Variants in ARHGAP42 observed in about 807,000 individuals in gnomAD.
The protein encoded by ARHGAP42 is Rho GTPase activating protein 42.
ARHGAP42 carries 63 observed loss-of-function variants against 125.0 expected under a neutral mutation model. The observed-to-expected ratio is 0.50, with a 90% CI of 0.41 to 0.62. The LOEUF is 0.62. Ranked by LOEUF, ARHGAP42 falls within the 20% of genes least tolerant of loss-of-function variation. The probability of loss-of-function intolerance (pLI) is 0.00; values close to 1 mark genes in which losing one functional copy is unlikely to be tolerated. For synonymous variants in ARHGAP42, 339 were observed against 351.0 expected, an observed-to-expected ratio of 0.97 and a Z score of 0.38; for missense variants, 766 against 1,024.2, an observed-to-expected ratio of 0.75 and a Z score of 3.44.
chr11:100,744,112 A>G (rs1052306995), intron 1 of ARHGAP42, among the ~76,000 whole-genome samples: 1 of 152,168 alleles, frequency 6.6e-6, no homozygotes, highest in African/African-American at 2.4e-5. Context: ...CTGGGACTAC[A>G]GGCGCCTGCC....
intron 1 of ARHGAP42, among the ~76,000 whole-genome samples, chr11:100,765,694 A>G (rs761287859): frequency 7.2e-5 from 11 of 152,160 alleles, no homozygotes; most frequent in Non-Finnish European, 1.6e-4. Context: ...GATACATTCT[A>G]TTTTAACCTT....
intron 8 of ARHGAP42, among the ~76,000 whole-genome samples, chr11:100,936,735 A>C (rs1944433): frequency 6.6e-6 from 1 of 152,086 alleles, no homozygotes; most frequent in Admixed American, 6.5e-5. Context: ...GTTTTCAGGC[A>C]TATAATTGGT....
At chr11:100,892,471 A>T (rs947266074) in intron 4 of ARHGAP42, among the ~76,000 whole-genome samples, 1 of 151,656 alleles carries the variant, frequency 6.6e-6, no homozygotes, top group African/African-American at 2.4e-5. Context: ...AAAAAGTGAC[A>T]CTCTGGTCTT....
chr11:100,761,355 G>A (rs1283851509), intron 1 of ARHGAP42, among the ~76,000 whole-genome samples: 1 of 152,176 alleles, frequency 6.6e-6, no homozygotes, highest in Non-Finnish European at 1.5e-5. Flanking sequence ...AATTGTTGTT[G>A]AGGCAGAAGG....
chr11:100,959,794 G>A, intron 12 of ARHGAP42, 89 bp from the exon 13 acceptor site: 1 of 1,216,616 alleles, frequency 8.2e-7, no homozygotes, highest in Non-Finnish European at 1.2e-6. Flanking sequence ...CTCTACTGTT[G>A]AGTCATAAAG....
intron 2 of ARHGAP42, among the ~76,000 whole-genome samples, chr11:100,787,018 C>T (rs1387945704): frequency 6.6e-6 from 1 of 151,886 alleles, no homozygotes; most frequent in African/African-American, 2.4e-5. Flanking sequence ...TGGCTCACAC[C>T]CGTAATCCCA....
chr11:100,986,864 A>T (rs1858691335), intron 22 of ARHGAP42, among the ~76,000 whole-genome samples: 1 of 151,666 alleles, frequency 6.6e-6, no homozygotes, highest in Non-Finnish European at 1.5e-5. Flanking sequence ...AAAAAAGAGT[A>T]TCTGGTATGC....
chr11:100,807,725 G>A lies in ARHGAP42; in HGVS notation c.312+12559G>A, dbSNP rs1295401004. Among the ~76,000 whole-genome samples, 5 of 152,190 alleles carry A rather than the reference G, an allele frequency of 3.3e-5. No homozygotes were observed. The South Asian group carries it at 8.3e-4, about 25-fold the overall frequency. On this transcript the variant is annotated intron_variant, in intron 3 of 23. Transcript: ENST00000298815. ...ACCTGCACTTCTGATCTCTTTCCTC[G>A]CATCTCTAGTTCTTTCATTTTCCTG...
At chr11:100,860,922 G>A (rs950522261) in intron 4 of ARHGAP42, among the ~76,000 whole-genome samples, 3 of 152,140 alleles carry the variant, frequency 2.0e-5, no homozygotes, top group Non-Finnish European at 2.9e-5. Context: ...TGGCTCACAC[G>A]TGACATGCAT....
intron 6 of ARHGAP42, among the ~76,000 whole-genome samples, chr11:100,929,659 CT>C (rs1174438280): frequency 6.6e-6 from 1 of 152,016 alleles, no homozygotes; most frequent in Non-Finnish European, 1.5e-5. Flanking sequence ...TCTCTGATGA[CT>C]AATAAGAATC....
intron 6 of ARHGAP42, among the ~76,000 whole-genome samples, chr11:100,922,417 G>A (rs1203190940): frequency 6.6e-6 from 1 of 151,604 alleles, no homozygotes; most frequent in Admixed American, 6.6e-5. Context: ...TTCCAATATT[G>A]CCTAAATAGG....
At chr11:100,842,212 C>T (rs1428894466) in intron 3 of ARHGAP42, among the ~76,000 whole-genome samples, 1 of 152,148 alleles carries the variant, frequency 6.6e-6, no homozygotes, top group Admixed American at 6.5e-5. Flanking sequence ...ACTGAGCATA[C>T]ACTTAAATAT....
intron 17 of ARHGAP42, among the ~76,000 whole-genome samples, chr11:100,970,298 A>G (rs1858205448): frequency 6.6e-6 from 1 of 152,094 alleles, no homozygotes; most frequent in Non-Finnish European, 1.5e-5. Flanking sequence ...CTAATTCAGT[A>G]TCTTTAGTGA....
intron 4 of ARHGAP42, among the ~76,000 whole-genome samples, chr11:100,888,631 AAAT>A (rs781569912): frequency 5.9e-5 from 9 of 152,214 alleles, no homozygotes; most frequent in Non-Finnish European, 1.2e-4. Flanking sequence ...AAAAGGCTTA[AAAT>A]AATAACTTGT....
chr11:100,695,166 A>G (rs1861254856), intron 1 of ARHGAP42, among the ~76,000 whole-genome samples: 1 of 152,252 alleles, frequency 6.6e-6, no homozygotes, highest in Admixed American at 6.5e-5. Flanking sequence ...AACTTACATA[A>G]CATTTGTTCA....
At position 100,933,139 on chromosome 11, in the gene ARHGAP42, T is replaced by A; in HGVS notation, c.598-17T>A. The A allele has an allele frequency of 6.7e-7, 1 of 1,499,050 alleles. No homozygotes were observed. Among genetic ancestry groups the A allele is most frequent in the Non-Finnish European group, 9.0e-7 (1 of 1,105,730 alleles). 92.9% of individuals were successfully genotyped at this position (1,499,050 alleles called of 1,614,324 possible). A position where few individuals can be genotyped will look rare whatever the true frequency, so the allele number is the denominator to read the frequency against. On this transcript the variant is annotated splice_polypyrimidine_tract_variant and intron_variant, in intron 6 of 23. Transcript: ENST00000298815. ...AAAACACATTTTCATGGTTTCTTTA[T>A]CTCTTTATCTTTGCAGCTTTTGTCA... is the stretch of plus-strand genomic sequence containing the variant.
intron 1 of ARHGAP42, among the ~76,000 whole-genome samples, chr11:100,723,039 T>C (rs766203405): frequency 7.2e-5 from 11 of 152,214 alleles, no homozygotes; most frequent in Non-Finnish European, 1.3e-4. Flanking sequence ...TGTTCCAGCA[T>C]CATTTGTTTA....
intron 3 of ARHGAP42, among the ~76,000 whole-genome samples, chr11:100,796,992 C>G (rs1863732684): frequency 6.6e-6 from 1 of 152,168 alleles, no homozygotes; most frequent in African/African-American, 2.4e-5. Context: ...TGGTCTTGAA[C>G]TCCTGACCTC....
intron 16 of ARHGAP42, among the ~76,000 whole-genome samples, chr11:100,964,714 G>A (rs929722068): frequency 1.8e-4 from 28 of 152,286 alleles, no homozygotes; most frequent in Admixed American, 5.2e-4. Flanking sequence ...CTTGGCAGAC[G>A]ACACTTGCCA....
Sources: gnomAD v4.1 joint callset for allele counts (sites outside exome capture counted in the v4.1 genomes callset) on GRCh38, gnomAD v4.1.1 for gene constraint, MANE v1.5 for transcripts, NCBI Gene and HGNC (gene_info 2026-07-23, HGNC 2026-07-21) for gene names.